The following ABCA13 variants were observed in gnomAD, a reference collection of about 807,000 sequenced individuals.
ABCA13 encodes the protein ATP-binding cassette sub-family A member 13.
A neutral mutation model predicts 478.7 loss-of-function variants in ABCA13; 476 were observed. The observed-to-expected ratio is 0.99, with a 90% CI of 0.92 to 1.07. The LOEUF (loss-of-function observed/expected upper bound fraction) is 1.07. Ranked by LOEUF, ABCA13 falls within the 50% of genes least tolerant of loss-of-function variation. The pLI, the probability that ABCA13 is intolerant of heterozygous loss-of-function variation, is 0.00. For synonymous variants in ABCA13, 2,252 were observed against 2,158.9 expected (o/e 1.04, Z -1.20); for missense variants, 6,060 against 5,910.6 (o/e 1.03, Z -0.83).
chr7:48,565,214 C>CTTTTTTT (rs10559411), intron 55 of ABCA13, among the ~76,000 whole-genome samples: 13 of 113,778 alleles, frequency 1.1e-4, no homozygotes, highest in African/African-American at 4.2e-4. Context: ...ATTTAATGAG[C>CTTTTTTT]TTTTTTTTTT....
intron 59 of ABCA13, among the ~76,000 whole-genome samples, chr7:48,638,132 C>T (rs1586064715): frequency 6.6e-6 from 1 of 152,132 alleles, no homozygotes; most frequent in Non-Finnish European, 1.5e-5. Flanking sequence ...GATGCGAAGT[C>T]AGAGAGGAAG....
intron 1 of ABCA13, among the ~76,000 whole-genome samples, chr7:48,188,172 A>G (rs1796612554): frequency 6.6e-6 from 1 of 152,200 alleles, no homozygotes; most frequent in South Asian, 2.1e-4. Context: ...TCTGAGATGC[A>G]ATACAACCTT....
chr7:48,247,217 G>A (rs548553176), intron 13 of ABCA13, among the ~76,000 whole-genome samples: 5 of 152,050 alleles, frequency 3.3e-5, no homozygotes, highest in Non-Finnish European at 7.4e-5. Context: ...CAGCCTGGGT[G>A]ACAATGTGAG....
In ABCA13 at chr7:48,482,384, A is replaced by C. The variant is rs568642213; in HGVS notation, c.13095-692A>C. ...CAAAAGATTATGACCACTATTAAGA[A>C]ATTTTTTTTTTTTTTGAAATGGAGT... is the stretch of plus-strand genomic sequence containing the variant. On this transcript the variant is annotated intron_variant, in intron 46 of 61. Coordinates refer to ENST00000435803, the MANE Select transcript of ABCA13 (RefSeq NM_152701.5). Among the ~76,000 whole-genome samples, 3 of 128,884 alleles carry C rather than the reference A, an allele frequency of 2.3e-5. 1 individual carries two copies. The highest frequency in any genetic ancestry group is 5.5e-4 in the South Asian group (2 of 3,610). The allele number at this position is 128,884 out of a possible 152,430, so 84.6% of individuals were successfully genotyped here.
chr7:48,352,641 T>A (rs1809229314), intron 31 of ABCA13, among the ~76,000 whole-genome samples, 154 bp downstream of exon 31: 1 of 152,090 alleles, frequency 6.6e-6, no homozygotes, highest in African/African-American at 2.4e-5. Context: ...TCATTTTTTT[T>A]ATATGCTTGT....
chr7:48,489,289 A>G lies in ABCA13; in HGVS notation c.13236A>G (p.Leu4412=), dbSNP rs184303343. The G allele has an allele frequency of 2.2e-5, 35 of 1,613,054 alleles. No individual in the cohort carries two copies. The East Asian group carries it at 7.1e-4, about 33-fold the overall frequency. ...CCCTACCTTCCTACTTAAATCATCT[A>G]AACAACCTTATTTTGTGGCAGCACC... ...FHSLPSYLNH[L]NNLILWQHLP... The change falls in exon 48 of 62, where the codon CTA becomes CTG. Residue 4412 remains leucine, a synonymous_variant. Coordinates refer to ENST00000435803, the MANE Select transcript of ABCA13 (RefSeq NM_152701.5).
chr7:48,317,597 G>A (rs1192496559), intron 27 of ABCA13, among the ~76,000 whole-genome samples: 8 of 152,220 alleles, frequency 5.3e-5, no homozygotes, highest in African/African-American at 1.9e-4. Flanking sequence ...GAGGAGGACT[G>A]TTTGGAGTAA....
At chr7:48,490,325 G>A (rs1027668722) in intron 48 of ABCA13, among the ~76,000 whole-genome samples, 9 of 152,250 alleles carry the variant, frequency 5.9e-5, no homozygotes, top group African/African-American at 2.2e-4. Context: ...AACATCCATG[G>A]TCTTATCTGA....
At chr7:48,241,168 C>A in intron 10 of ABCA13, 102 bp downstream of exon 10, 3 of 1,335,930 alleles carry the variant, frequency 2.2e-6, no homozygotes, top group Non-Finnish European at 2.1e-6. Context: ...AAAACTACAG[C>A]TAAATAATGA....
intron 15 of ABCA13, among the ~76,000 whole-genome samples, chr7:48,261,080 T>C (rs1260009479): frequency 6.6e-6 from 1 of 151,958 alleles, no homozygotes; most frequent in Non-Finnish European, 1.5e-5. Flanking sequence ...TCATGTACCA[T>C]GGTATATTCA....
At chr7:48,371,695 C>T (rs1004337440) in intron 32 of ABCA13, among the ~76,000 whole-genome samples, 7 of 152,186 alleles carry the variant, frequency 4.6e-5, no homozygotes, top group South Asian at 2.1e-4. Context: ...TGGGCTGAGA[C>T]GATGGGGTTT....
rs780064691 is a variant in ABCA13 at position 48,580,304 on chromosome 7, T to C, written c.14435T>C (p.Leu4812Pro). The change falls in exon 56 of 62, where the codon CTT becomes CCT. Residue 4812 changes from leucine (L) to proline (P), a missense_variant. This residue lies in a region of ABCA13 where 1,627 missense variants were observed against 1,571.0 expected (regional missense o/e 1.04). Coordinates refer to ENST00000435803, the MANE Select transcript of ABCA13 (RefSeq NM_152701.5). Reference protein sequence around the residue: ...YCPQQDALDELLTGWEHLYYY... With the variant: ...YCPQQDALDEPLTGWEHLYYY... ...CCCCAGCAGGATGCCCTGGACGAGC[T>C]TCTGACTGGTTGGGAACATCTCTAT... is the stretch of plus-strand genomic sequence containing the variant. 6.2e-7 allele frequency: 1 copy of C among 1,613,016 alleles called. No individual in the cohort carries two copies. The highest frequency in any genetic ancestry group is 1.1e-5 in the South Asian group (1 of 90,828).
chr7:48,335,921 C>T (rs1806191277), intron 28 of ABCA13, among the ~76,000 whole-genome samples: 1 of 152,164 alleles, frequency 6.6e-6, no homozygotes, highest in Non-Finnish European at 1.5e-5. Context: ...TTAGAATGGC[C>T]TGACTCCATT....
intron 38 of ABCA13, among the ~76,000 whole-genome samples, chr7:48,396,126 C>A (rs1267477215): frequency 6.6e-6 from 1 of 152,212 alleles, no homozygotes; most frequent in Admixed American, 6.5e-5. Context: ...TTATTTATTA[C>A]CCTCCCCTCC....
chr7:48,258,932 G>A (rs1056558872), intron 15 of ABCA13, among the ~76,000 whole-genome samples: 11 of 150,240 alleles, frequency 7.3e-5, no homozygotes, highest in Non-Finnish European at 1.5e-4. Context: ...CAATTTTCTT[G>A]GCATTAGTTC....
intron 56 of ABCA13, among the ~76,000 whole-genome samples, chr7:48,586,275 A>G (rs534187277): frequency 6.6e-6 from 1 of 152,126 alleles, no homozygotes; most frequent in South Asian, 2.1e-4. Flanking sequence ...AATATTTCCC[A>G]TTCTCCTCCC....
chr7:48,644,744 C>T lies in ABCA13; in HGVS notation c.15071C>T (p.Thr5024Ile). The T allele has an allele frequency of 1.2e-6, 2 of 1,601,060 alleles. No homozygotes were observed. Among genetic ancestry groups the T allele is most frequent in the Non-Finnish European group, 1.7e-6 (2 of 1,176,150 alleles). The change falls in exon 61 of 62, where the codon ACT (threonine) becomes ATT (isoleucine). Residue 5024 changes from threonine to isoleucine, a missense_variant. Transcript: ENST00000435803. The part of the protein sequence containing the change: ...NIKHYSINQT[T>I]LEQVFINFAS... Reference sequence around the variant, plus strand: ...AAGCATTATTCCATTAACCAAACCACTTTGGAGCAGGTATAGTATCTTGAA... The same window carrying T: ...AAGCATTATTCCATTAACCAAACCATTTTGGAGCAGGTATAGTATCTTGAA...
chr7:48,558,002 T>G (rs773190314), intron 55 of ABCA13, among the ~76,000 whole-genome samples: 2 of 152,106 alleles, frequency 1.3e-5, no homozygotes, highest in Non-Finnish European at 2.9e-5. Context: ...TCTTTGTTCT[T>G]TTGCCTCCTC....
chr7:48,291,517 C>T (rs1156353119), intron 20 of ABCA13, among the ~76,000 whole-genome samples: 2 of 152,134 alleles, frequency 1.3e-5, no homozygotes, highest in East Asian at 1.9e-4. Context: ...TAATGTGGAT[C>T]TGATTGACTG....
Sources: allele counts gnomAD v4.1 joint callset (sites outside exome capture counted in the v4.1 genomes callset), GRCh38; gene constraint gnomAD v4.1.1; regional missense constraint gnomAD v4.1.1; transcripts MANE v1.5; gene names NCBI Gene and HGNC (gene_info 2026-07-23, HGNC 2026-07-21).